The following LRRC7 variants were observed in gnomAD, a reference collection of about 807,000 sequenced individuals.
The protein encoded by LRRC7 is leucine rich repeat containing 7, also known as leucine-rich repeat-containing protein 7.
Under a neutral mutation model 175.7 loss-of-function variants are expected in LRRC7, and 23 were observed. The observed-to-expected ratio is 0.13, with a 90% confidence interval of 0.09 to 0.19. The LOEUF (loss-of-function observed/expected upper bound fraction) is 0.19, where lower values mean the gene tolerates loss of function less well. Among genes scored for constraint, LRRC7 ranks in the 10% least tolerant of loss-of-function variants. The pLI is 1.00. For missense variants in LRRC7, 1,354 were observed against 1,904.7 expected (o/e 0.71, Z 5.38); for synonymous variants, 685 against 680.9 (o/e 1.01, Z -0.09).
At chr1:69,963,479 T>A (rs1299033087) in intron 8 of LRRC7, among the ~76,000 whole-genome samples, 1 of 152,136 alleles carries the variant, frequency 6.6e-6, no homozygotes, top group African/African-American at 2.4e-5. Context: ...TAAGAGACTT[T>A]TTGTATGATA....
intron 7 of LRRC7, among the ~76,000 whole-genome samples, chr1:69,856,939 G>A (rs182773148): frequency 1.3e-5 from 2 of 152,018 alleles, no homozygotes; most frequent in Admixed American, 6.6e-5. Context: ...TTCATCCCTG[G>A]GACGCAAGGC....
At chr1:69,987,238 C>A (rs965248039) in intron 10 of LRRC7, among the ~76,000 whole-genome samples, 2 of 151,800 alleles carry the variant, frequency 1.3e-5, no homozygotes, top group Non-Finnish European at 2.9e-5. Flanking sequence ...GAGGGAGACT[C>A]CGTCTCAAAA....
chr1:69,579,631 G>T (rs1245062), intron 1 of LRRC7, among the ~76,000 whole-genome samples: 66,665 of 151,818 alleles, frequency 0.44, 15,203 homozygotes, highest in Middle Eastern at 0.53. Context: ...TGAATGAATC[G>T]TTCCACTTAT....
intron 1 of LRRC7, among the ~76,000 whole-genome samples, chr1:69,664,701 T>C (rs1050792541): frequency 2.0e-5 from 3 of 152,222 alleles, no homozygotes; most frequent in Non-Finnish European, 4.4e-5. Flanking sequence ...AATCTGGTTA[T>C]TAATCCCTTG....
intron 9 of LRRC7, among the ~76,000 whole-genome samples, chr1:69,984,588 GTTC>G (rs1442822900): frequency 2.0e-5 from 3 of 152,140 alleles, no homozygotes; most frequent in African/African-American, 7.2e-5. Context: ...CCGCCCACAT[GTTC>G]ACTCCTTGCC....
intron 7 of LRRC7, among the ~76,000 whole-genome samples, chr1:69,845,061 G>A (rs1233831061): frequency 6.6e-6 from 1 of 151,990 alleles, no homozygotes; most frequent in East Asian, 1.9e-4. Flanking sequence ...ACCAGCCCAG[G>A]CAACAGAGCG....
intron 7 of LRRC7, among the ~76,000 whole-genome samples, chr1:69,854,074 A>G (rs1321684749): frequency 6.6e-6 from 1 of 152,210 alleles, no homozygotes; most frequent in African/African-American, 2.4e-5. Flanking sequence ...ATCCTTGGAT[A>G]TATTTGAAAC....
intron 1 of LRRC7, among the ~76,000 whole-genome samples, chr1:69,614,808 C>G (rs1041491647): frequency 9.2e-5 from 14 of 151,958 alleles, no homozygotes; most frequent in Admixed American, 5.9e-4. Flanking sequence ...CTAATGACAC[C>G]AGGCAACTGT....
intron 6 of LRRC7, among the ~76,000 whole-genome samples, chr1:69,835,399 C>G (rs141497994): frequency 4.6e-5 from 7 of 151,708 alleles, no homozygotes; most frequent in African/African-American, 1.2e-4. Flanking sequence ...GAAAAATGGT[C>G]AAATTACAAG....
chr1:69,889,721 C>T (rs1051477271), intron 7 of LRRC7, among the ~76,000 whole-genome samples: 2 of 146,380 alleles, frequency 1.4e-5, no homozygotes, highest in Non-Finnish European at 2.9e-5. Context: ...GTGGGAGGAT[C>T]ACTTGAGCCT....
chr1:69,757,033 TAGA>T (rs1424051313), intron 2 of LRRC7, among the ~76,000 whole-genome samples: 5 of 151,844 alleles, frequency 3.3e-5, no homozygotes, highest in Non-Finnish European at 5.9e-5. Context: ...AAATCAGGAA[TAGA>T]AGGAATTGTG....
At chr1:70,080,778 A>G (rs923879778) in intron 24 of LRRC7, among the ~76,000 whole-genome samples, 1 of 152,212 alleles carries the variant, frequency 6.6e-6, no homozygotes, top group Non-Finnish European at 1.5e-5. Flanking sequence ...TAAACCGTTT[A>G]GATTACTTAC....
chr1:70,087,111 T>C (rs1663673377), intron 24 of LRRC7, among the ~76,000 whole-genome samples: 1 of 152,240 alleles, frequency 6.6e-6, no homozygotes, highest in African/African-American at 2.4e-5. Context: ...ATTATTTCTC[T>C]TATTAAAAAA....
chr1:70,079,666 G>A (rs2101889), intron 24 of LRRC7, among the ~76,000 whole-genome samples: 2 of 152,044 alleles, frequency 1.3e-5, no homozygotes, highest in South Asian at 2.1e-4. Flanking sequence ...TATTAAGCAC[G>A]TGCTATGTGT....
At chr1:69,848,781 G>A (rs1400066613) in intron 7 of LRRC7, among the ~76,000 whole-genome samples, 1 of 151,952 alleles carries the variant, frequency 6.6e-6, no homozygotes, top group African/African-American at 2.4e-5. Context: ...GTTTGCCACA[G>A]TTTCTGTGAC....
chr1:69,589,759 T>C (rs1480638528), intron 1 of LRRC7, among the ~76,000 whole-genome samples: 1 of 150,130 alleles, frequency 6.7e-6, no homozygotes, highest in East Asian at 1.9e-4. Flanking sequence ...TCTCTTTTTC[T>C]AGATGGTGAA....
chr1:69,710,575 A>G (rs994543567), intron 2 of LRRC7, among the ~76,000 whole-genome samples: 2 of 152,160 alleles, frequency 1.3e-5, no homozygotes, highest in Non-Finnish European at 2.9e-5. Context: ...AGGCAAAACC[A>G]TGTGCATGAA....
At chr1:70,114,397 C>T (rs1262711895) in intron 26 of LRRC7, among the ~76,000 whole-genome samples, 1 of 152,162 alleles carries the variant, frequency 6.6e-6, no homozygotes, top group Non-Finnish European at 1.5e-5. Flanking sequence ...GGCACAGTGG[C>T]TCACACCTGT....
At chr1:70,118,261 T>C (rs1360975993) in intron 26 of LRRC7, among the ~76,000 whole-genome samples, 2 of 152,082 alleles carry the variant, frequency 1.3e-5, no homozygotes, top group Non-Finnish European at 2.9e-5. Flanking sequence ...ACAAATACAA[T>C]GTCAATTCAT....
Sources: allele counts gnomAD v4.1 joint callset (sites outside exome capture counted in the v4.1 genomes callset), GRCh38; gene constraint gnomAD v4.1.1; transcripts MANE v1.5; gene names NCBI Gene and HGNC (gene_info 2026-07-23, HGNC 2026-07-21).